Variants in SOX5 observed in about 807,000 individuals in gnomAD.
The protein encoded by SOX5 is transcription factor SOX-5.
In SOX5, 9 loss-of-function variants were observed where a neutral mutation model predicts 92.0. The ratio of observed to expected loss-of-function variants is 0.10; its 90% CI spans 0.06 to 0.17. SOX5 has a LOEUF of 0.17. Among genes scored for constraint, SOX5 ranks in the 10% least tolerant of loss-of-function variants. SOX5 has a pLI of 1.00. For synonymous variants in SOX5, 344 were observed against 336.3 expected (o/e 1.02, Z -0.25); for missense variants, 642 against 944.5 (o/e 0.68, Z 4.20).
At chr12:23,955,786 C>A (rs1483991563), upstream of SOX5, among the ~76,000 whole-genome samples, 3 of 151,554 alleles carry the variant, frequency 2.0e-5, no homozygotes, top group Admixed American at 6.6e-5. Context: ...GAAGAAAAAC[C>A]ATTCAAGTGG....
At chr12:23,736,483 C>A (rs1480067100) in intron 5 of SOX5, among the ~76,000 whole-genome samples, 1 of 151,714 alleles carries the variant, frequency 6.6e-6, no homozygotes, top group Non-Finnish European at 1.5e-5. Flanking sequence ...AAAAAAAAAT[C>A]TCTTAACCTC....
intron 1 of SOX5, among the ~76,000 whole-genome samples, chr12:24,525,301 T>C (rs1184740731): frequency 6.6e-6 from 1 of 152,162 alleles, no homozygotes; most frequent in African/African-American, 2.4e-5. Flanking sequence ...AAATACTGCA[T>C]GAGTTCATGT....
intron 8 of SOX5, among the ~76,000 whole-genome samples, chr12:23,625,717 C>A (rs965991339): frequency 6.6e-6 from 1 of 152,212 alleles, no homozygotes; most frequent in Non-Finnish European, 1.5e-5. Flanking sequence ...TCAAATGATT[C>A]TCCTGCCTCA....
intron 2 of SOX5, among the ~76,000 whole-genome samples, chr12:23,853,869 G>T (rs1008233226): frequency 6.6e-6 from 1 of 152,032 alleles, no homozygotes; most frequent in African/African-American, 2.4e-5. Flanking sequence ...CCCTGAGTGA[G>T]CAAAGACCAA....
intron 6 of SOX5, among the ~76,000 whole-genome samples, chr12:23,726,471 C>T (rs1567260018): frequency 1.3e-5 from 2 of 151,932 alleles, no homozygotes; most frequent in Non-Finnish European, 2.9e-5. Flanking sequence ...TTTATTTTAC[C>T]ACACTATTGT....
intron 3 of SOX5, among the ~76,000 whole-genome samples, chr12:23,795,678 G>C (rs1023849343): frequency 1.3e-5 from 2 of 152,078 alleles, no homozygotes; most frequent in African/African-American, 4.8e-5. Flanking sequence ...TTGTGGGTAG[G>C]ACTAGCCAGG....
At chr12:24,042,794 G>C (rs1176710070) in intron 4 of SOX5, among the ~76,000 whole-genome samples, 1 of 152,100 alleles carries the variant, frequency 6.6e-6, no homozygotes, top group African/African-American at 2.4e-5. Context: ...ACTATATTCA[G>C]TCAATACAGA....
chr12:23,741,039 C>T lies in SOX5; in HGVS notation c.569G>A (p.Gly190Glu), dbSNP rs758120909. The change falls in exon 5 of 15, where the codon GGG becomes GAG. Residue 190 changes from glycine to glutamate, a missense_variant and splice_region_variant. By Grantham distance (98) the Gly-to-Glu change is moderately conservative (BLOSUM62 -2). Around this residue, in one of 8 missense-constraint regions of SOX5, gnomAD observed 324 missense variants for 461.6 expected, o/e 0.70. Transcript: ENST00000451604. The stretch of plus-strand genomic sequence containing the variant: ...TTTCTCAGCTAAGCTCTCGGGAGTC[C>T]CTACAAATCATATAGCAATAAAACA... Reference protein sequence around the residue: ...MGSGNFGEIKGTPESLAEKER... With the variant: ...MGSGNFGEIKETPESLAEKER... 6.4e-7 allele frequency: 1 copy of T among 1,573,820 alleles called. No individual in the cohort carries two copies. The highest frequency in any genetic ancestry group is 8.6e-7 in the Non-Finnish European group (1 of 1,156,964).
At chr12:23,667,190 G>T (rs2083956787) in intron 6 of SOX5, among the ~76,000 whole-genome samples, 1 of 152,016 alleles carries the variant, frequency 6.6e-6, no homozygotes, top group South Asian at 2.1e-4. Flanking sequence ...TTTCAGCAAT[G>T]ACACCAAATT....
At chr12:23,546,261 ACTAC>A (rs2136074058) in intron 12 of SOX5, 51 bp downstream of exon 12, 1 of 1,005,350 alleles carries the variant, frequency 9.9e-7, no homozygotes, top group East Asian at 2.4e-5. Context: ...TTTAATTGGC[ACTAC>A]CTAGACACTT....
chr12:24,440,253 C>A (rs1940265199), intron 1 of SOX5, among the ~76,000 whole-genome samples: 1 of 152,310 alleles, frequency 6.6e-6, no homozygotes, highest in Non-Finnish European at 1.5e-5. Flanking sequence ...CAGACGCTGA[C>A]TGAGGAACCC....
At chr12:24,122,178 A>C (rs1471405022) in intron 4 of SOX5, among the ~76,000 whole-genome samples, 2 of 152,220 alleles carry the variant, frequency 1.3e-5, no homozygotes, top group Non-Finnish European at 2.9e-5. Context: ...TGGAAATGTT[A>C]AACAGATGAT....
rs1947428176 is a variant in SOX5, at chr12:24,297,651, C to G, written c.-173-20339G>C. Among the ~76,000 whole-genome samples, 3 of 152,220 alleles carry G rather than the reference C, an allele frequency of 2.0e-5. 1 individual carries two copies. In the South Asian group the frequency reaches 6.2e-4, roughly 31 times the overall value. On this transcript the variant is annotated intron_variant, in intron 2 of 4. Coordinates refer to the SOX5 transcript ENST00000446891. The stretch of plus-strand genomic sequence containing the variant: ...TTGTCTTTTGTATTCTCACTGCATT[C>G]CCAGTGCTGCAGGTCAGGTCAAGAA...
At chr12:24,118,246 C>T (rs1948267097) in intron 4 of SOX5, among the ~76,000 whole-genome samples, 1 of 152,016 alleles carries the variant, frequency 6.6e-6, no homozygotes, top group South Asian at 2.1e-4. Flanking sequence ...AAGAATAGAT[C>T]ATTAACATCC....
At chr12:23,982,543 T>C (rs1302955101) in intron 4 of SOX5, among the ~76,000 whole-genome samples, 3 of 152,174 alleles carry the variant, frequency 2.0e-5, no homozygotes, top group Non-Finnish European at 4.4e-5. Context: ...CTGCATGGTA[T>C]ATAATTTGCA....
chr12:24,013,632 A>G lies in SOX5; in HGVS notation c.-1-117608T>C, dbSNP rs181473490. Among the ~76,000 whole-genome samples the G allele has an allele frequency of 5.0e-3, 755 of 152,284 alleles. 1 individual carries two copies. Among genetic ancestry groups the G allele is most frequent in the South Asian group, 0.014 (66 of 4,824 alleles). On this transcript the variant is annotated intron_variant, in intron 4 of 4. Transcript: ENST00000446891. ...GCGGAGGGTCTGCTATAGTGAACTA[A>G]TTTGTATCTGGTCTTATTTGAGGGA...
intron 1 of SOX5, among the ~76,000 whole-genome samples, chr12:24,443,152 G>A (rs989303253): frequency 6.6e-6 from 1 of 151,876 alleles, no homozygotes; most frequent in Non-Finnish European, 1.5e-5. Context: ...GGGTTTCACC[G>A]TGTTGCCCAG....
intron 4 of SOX5, among the ~76,000 whole-genome samples, chr12:24,106,460 C>G (rs1946680915): frequency 1.3e-5 from 2 of 152,042 alleles, no homozygotes; most frequent in Admixed American, 1.3e-4. Context: ...AATGTATCTT[C>G]TAAGGATTAT....
At chr12:24,177,545 G>C (rs1954959375) in intron 4 of SOX5, among the ~76,000 whole-genome samples, 1 of 152,126 alleles carries the variant, frequency 6.6e-6, no homozygotes, top group Admixed American at 6.5e-5. Flanking sequence ...TTTGGACTTA[G>C]AGCCATGCTA....
Sources: allele counts gnomAD v4.1 joint callset (sites outside exome capture counted in the v4.1 genomes callset), GRCh38; gene constraint gnomAD v4.1.1; regional missense constraint gnomAD v4.1.1; transcripts MANE v1.5; gene names NCBI Gene and HGNC (gene_info 2026-07-23, HGNC 2026-07-21).